GALNTL6: variants seen among roughly 807,000 people sequenced by gnomAD.
The protein encoded by GALNTL6 is polypeptide N-acetylgalactosaminyltransferase like 6, also known as polypeptide N-acetylgalactosaminyltransferase-like 6.
Under a neutral mutation model 73.7 loss-of-function variants are expected in GALNTL6, and 46 were observed. That is an observed-to-expected ratio of 0.62 (90% CI 0.49 to 0.80). The LOEUF is 0.80. Among genes scored for constraint, GALNTL6 ranks in the 30% least tolerant of loss-of-function variants. The probability of loss-of-function intolerance (pLI) is 0.00; values close to 1 mark genes in which losing one functional copy is unlikely to be tolerated. For synonymous variants in GALNTL6, 259 were observed against 263.7 expected (o/e 0.98, Z 0.17); for missense variants, 604 against 755.0 (o/e 0.80, Z 2.34).
At chr4:173,022,841 T>C (rs1272854582) in intron 12 of GALNTL6, among the ~76,000 whole-genome samples, 4 of 152,218 alleles carry the variant, frequency 2.6e-5, no homozygotes, top group Non-Finnish European at 1.5e-5. Flanking sequence ...TTGAAAATAT[T>C]TTTATTGTTT....
chr4:172,502,141 A>G (rs1167464374), intron 5 of GALNTL6, among the ~76,000 whole-genome samples: 1 of 152,222 alleles, frequency 6.6e-6, no homozygotes. Flanking sequence ...CGACTTGGTA[A>G]AACTATTTGT....
At chr4:172,908,793 T>A (rs1353255957) in intron 8 of GALNTL6, among the ~76,000 whole-genome samples, 1 of 151,566 alleles carries the variant, frequency 6.6e-6, no homozygotes, top group Non-Finnish European at 1.5e-5. Flanking sequence ...TATAATCTAC[T>A]AAAGGACACA....
intron 3 of GALNTL6, among the ~76,000 whole-genome samples, chr4:172,287,852 C>G (rs981414386): frequency 1.3e-5 from 2 of 152,104 alleles, no homozygotes; most frequent in African/African-American, 4.8e-5. Context: ...GAGCGCTGAG[C>G]TTGAAACATT....
At chr4:172,658,268 C>T (rs1313487385) in intron 5 of GALNTL6, among the ~76,000 whole-genome samples, 1 of 148,904 alleles carries the variant, frequency 6.7e-6, no homozygotes, top group African/African-American at 2.5e-5. Context: ...AGCTCAAGAC[C>T]ATCCTGGCTA....
In GALNTL6 at chr4:172,803,750, T is replaced by C. The variant is rs563100988; in HGVS notation, c.554-5611T>C. 1.7e-3 allele frequency among the ~76,000 whole-genome samples: 255 copies of C among 152,352 alleles called. 1 individual carries two copies. Among genetic ancestry groups the C allele is most frequent in the African/African-American group, 5.9e-3 (245 of 41,582 alleles). On this transcript the variant is annotated intron_variant, in intron 5 of 12. Coordinates refer to ENST00000506823, the MANE Select transcript of GALNTL6 (RefSeq NM_001034845.3). ...AATATATTTTATCTATTTATTTTTT[T>C]CCCAGCTATTTCCCAAATAACTTAT...
rs151076701 is a variant in GALNTL6, at chr4:173,018,510, G to T, written c.1489-2966G>T. ...AAATGCTCCAAGCCCTGCAACTAAGGATCTCACTGTCTAGGGAGGGATAGA... is the reference window on the plus strand; with the variant it reads ...AAATGCTCCAAGCCCTGCAACTAAGTATCTCACTGTCTAGGGAGGGATAGA... On this transcript the variant is annotated intron_variant, in intron 11 of 12. Transcript: ENST00000506823. Among the ~76,000 whole-genome samples the T allele has an allele frequency of 1.8e-4, 28 of 152,294 alleles. No homozygotes were observed. In the Middle Eastern group the frequency reaches 0.01, roughly 56 times the overall value.
intron 5 of GALNTL6, among the ~76,000 whole-genome samples, chr4:172,429,175 A>ATTTTATTTTATT (rs1554023237): frequency 1.0e-2 from 133 of 13,332 alleles, no homozygotes; most frequent in Non-Finnish European, 0.024. Context: ...ATTTTGTTTT[A>ATTTTATTTTATT]TTATTTTATT....
intron 2 of GALNTL6, among the ~76,000 whole-genome samples, chr4:172,029,363 A>C (rs12504105): frequency 0.033 from 5,048 of 152,142 alleles, 188 homozygotes; most frequent in East Asian, 0.092. Flanking sequence ...ACTAGGTTAA[A>C]TGAAATATAC....
At chr4:171,877,733 C>T (rs1470143765) in intron 2 of GALNTL6, among the ~76,000 whole-genome samples, 2 of 152,106 alleles carry the variant, frequency 1.3e-5, no homozygotes, top group African/African-American at 4.8e-5. Context: ...AACGGAACTG[C>T]TTGACCTCTT....
intron 5 of GALNTL6, among the ~76,000 whole-genome samples, chr4:172,413,011 T>C (rs1744502631): frequency 6.6e-6 from 1 of 152,160 alleles, no homozygotes; most frequent in African/African-American, 2.4e-5. Flanking sequence ...TTCAAATCTT[T>C]CATCAAGAAA....
At chr4:172,026,746 G>T (rs573434384) in intron 2 of GALNTL6, among the ~76,000 whole-genome samples, 2 of 152,088 alleles carry the variant, frequency 1.3e-5, no homozygotes, top group Admixed American at 6.6e-5. Context: ...ACTTTTACAT[G>T]TACTATGTAA....
intron 5 of GALNTL6, among the ~76,000 whole-genome samples, chr4:172,499,055 C>T (rs868151537): frequency 6.6e-5 from 10 of 152,064 alleles, no homozygotes; most frequent in African/African-American, 4.8e-5. Context: ...CCACCAAACC[C>T]GCCCACCTAT....
intron 5 of GALNTL6, among the ~76,000 whole-genome samples, chr4:172,762,952 TA>T (rs1234099041): frequency 6.6e-6 from 1 of 151,716 alleles, no homozygotes; most frequent in African/African-American, 2.4e-5. Context: ...TTTACTTAAA[TA>T]AAAAACTCTC....
chr4:171,950,541 C>G (rs995865153), intron 2 of GALNTL6, among the ~76,000 whole-genome samples: 1 of 148,130 alleles, frequency 6.8e-6, no homozygotes, highest in Non-Finnish European at 1.5e-5. Context: ...AGTGCAGTGG[C>G]TCGATCTTGG....
intron 7 of GALNTL6, among the ~76,000 whole-genome samples, chr4:172,872,917 C>T (rs963417938): frequency 6.6e-6 from 1 of 152,210 alleles, no homozygotes; most frequent in Admixed American, 6.5e-5. Context: ...AGCAAAAGTG[C>T]CTCATCTGTC....
At chr4:172,766,975 T>C (rs1272408957) in intron 5 of GALNTL6, among the ~76,000 whole-genome samples, 1 of 152,236 alleles carries the variant, frequency 6.6e-6, no homozygotes, top group African/African-American at 2.4e-5. Context: ...TGTATTCTAC[T>C]CAATGATTTA....
At chr4:172,967,712 A>G (rs1218619521) in intron 10 of GALNTL6, among the ~76,000 whole-genome samples, 1 of 152,182 alleles carries the variant, frequency 6.6e-6, no homozygotes. Flanking sequence ...GTATATTATT[A>G]TAGTTGGTAT....
intron 9 of GALNTL6, among the ~76,000 whole-genome samples, chr4:172,950,128 T>C (rs1218382232): frequency 6.6e-6 from 1 of 152,186 alleles, no homozygotes; most frequent in East Asian, 1.9e-4. Flanking sequence ...CATCATCTGT[T>C]TCCTTTCTGG....
intron 5 of GALNTL6, among the ~76,000 whole-genome samples, chr4:172,357,725 A>T (rs1742214867): frequency 6.6e-6 from 1 of 151,902 alleles, no homozygotes; most frequent in South Asian, 2.1e-4. Context: ...AACACAAAAA[A>T]ACCTGACTGC....
Sources: allele counts gnomAD v4.1 joint callset (sites outside exome capture counted in the v4.1 genomes callset), GRCh38; gene constraint gnomAD v4.1.1; transcripts MANE v1.5; gene names NCBI Gene and HGNC (gene_info 2026-07-23, HGNC 2026-07-21).